Variants in SMARCA5 observed in about 807,000 individuals in gnomAD.
SMARCA5 encodes the protein SNF2 related chromatin remodeling ATPase 5.
Under a neutral mutation model 140.4 loss-of-function variants are expected in SMARCA5, and 18 were observed. The ratio of observed to expected loss-of-function variants is 0.13; its 90% CI spans 0.09 to 0.19. SMARCA5 has a LOEUF of 0.19. Among genes scored for constraint, SMARCA5 ranks in the 10% least tolerant of loss-of-function variants. The pLI, the probability that SMARCA5 is intolerant of heterozygous loss-of-function variation, is 1.00. For synonymous variants in SMARCA5, 449 were observed against 419.6 expected (o/e 1.07, Z -0.86); for missense variants, 606 against 1,276.8 (o/e 0.47, Z 8.01).
At position 143,543,987 on chromosome 4, in the gene SMARCA5, G is replaced by C. The variant is rs755833023; in HGVS notation, c.2172+15G>C. ...AAAAACAAAAGGTAATTTAGAAATAGGTTTGGGTTACATGAAAGCTTTATT... is the reference window on the plus strand; with the variant it reads ...AAAAACAAAAGGTAATTTAGAAATACGTTTGGGTTACATGAAAGCTTTATT... On this transcript the variant is annotated intron_variant, in intron 16 of 23. Transcript: ENST00000283131. The C allele has an allele frequency of 6.5e-7, 1 of 1,527,632 alleles. No homozygotes were observed. Among genetic ancestry groups the C allele is most frequent in the Non-Finnish European group, 8.8e-7 (1 of 1,136,596 alleles). The allele number at this position is 1,527,632 out of a possible 1,614,324, so 94.6% of individuals were successfully genotyped here.
chr4:143,557,430 A>G lies in SMARCA5; in HGVS notation c.*4246A>G, dbSNP rs1362147016. On this transcript the variant is annotated 3_prime_UTR_variant, in exon 24 of 24. Coordinates refer to ENST00000283131, the MANE Select transcript of SMARCA5 (RefSeq NM_003601.4). ...GTATATAGATTGTGAATAAATTGGG[A>G]AAAGAAATAGAGATAAGTAGAGATT... is the stretch of plus-strand genomic sequence containing the variant. 17 of 152,230 alleles carry G rather than the reference A, an allele frequency of 1.1e-4. No individual in the cohort carries two copies. 9.4% of individuals were successfully genotyped at this position (152,230 alleles called of 1,614,324 possible).
At chr4:143,528,250 C>T (rs1412299454) in intron 7 of SMARCA5, among the ~76,000 whole-genome samples, 1 of 152,138 alleles carries the variant, frequency 6.6e-6, no homozygotes, top group Non-Finnish European at 1.5e-5. Context: ...TCTCCCCACT[C>T]CCCGACAGGT....
At chr4:143,529,654 A>G (rs1490807579) in intron 8 of SMARCA5, among the ~76,000 whole-genome samples, 2 of 152,158 alleles carry the variant, frequency 1.3e-5, no homozygotes, top group Admixed American at 1.3e-4. Flanking sequence ...TTGTTTGCAT[A>G]GCTGGCGTCT....
chr4:143,528,424 C>T (rs1464741939), intron 7 of SMARCA5, among the ~76,000 whole-genome samples, 159 bp from the exon 8 acceptor site: 1 of 152,194 alleles, frequency 6.6e-6, no homozygotes, highest in East Asian at 1.9e-4. Context: ...TAAACTCATT[C>T]TCTTTTATGG....
chr4:143,537,944 A>G (rs1039430784), intron 11 of SMARCA5, among the ~76,000 whole-genome samples: 2 of 150,528 alleles, frequency 1.3e-5, no homozygotes, highest in East Asian at 1.9e-4. Context: ...AAAAATTCTT[A>G]TGCATTTGAG....
chr4:143,543,745 T>C (rs1737472695), intron 15 of SMARCA5, 88 bp downstream of exon 15: 4 of 1,508,122 alleles, frequency 2.7e-6, no homozygotes, highest in Non-Finnish European at 9.0e-7. Context: ...TAAATAATTT[T>C]ATTTCCTTAA....
At chr4:143,549,716 A>G (rs187257581) in intron 22 of SMARCA5, among the ~76,000 whole-genome samples, 165 of 152,266 alleles carry the variant, frequency 1.1e-3, no homozygotes, top group Non-Finnish European at 2.0e-3. Context: ...GCAGTATTGC[A>G]TATGTTCATT....
intron 8 of SMARCA5, among the ~76,000 whole-genome samples, chr4:143,529,126 G>A (rs1259221207): frequency 1.3e-5 from 2 of 151,982 alleles, no homozygotes; most frequent in African/African-American, 4.8e-5. Flanking sequence ...GTAGAGATGA[G>A]GTTTTGCCAT....
At chr4:143,552,117 C>T (rs927069095) in intron 23 of SMARCA5, among the ~76,000 whole-genome samples, 5 of 151,840 alleles carry the variant, frequency 3.3e-5, no homozygotes, top group African/African-American at 1.2e-4. Flanking sequence ...AGAGATCTTT[C>T]GCTTCTTTGA....
intron 14 of SMARCA5, 47 bp downstream of exon 14, chr4:143,540,542 CTGTTTT>C (rs779153117): frequency 1.3e-6 from 2 of 1,557,356 alleles, no homozygotes; most frequent in African/African-American, 2.8e-5. Flanking sequence ...TTGACACAAC[CTGTTTT>C]TGTTTGAAAA....
At chr4:143,529,205 G>T (rs1049870347) in intron 8 of SMARCA5, among the ~76,000 whole-genome samples, 1 of 152,142 alleles carries the variant, frequency 6.6e-6, no homozygotes, top group Non-Finnish European at 1.5e-5. Flanking sequence ...AAAGTGCTGG[G>T]ATTACAGGCA....
At chr4:143,515,356 T>G (rs977564542) in intron 1 of SMARCA5, among the ~76,000 whole-genome samples, 9 of 152,204 alleles carry the variant, frequency 5.9e-5, no homozygotes, top group Non-Finnish European at 8.8e-5. Context: ...AAGATAAGAT[T>G]ACTTCCAAAT....
intron 11 of SMARCA5, among the ~76,000 whole-genome samples, chr4:143,537,917 CAAA>C (rs34592654): frequency 0.011 from 1,071 of 101,424 alleles, 21 homozygotes; most frequent in African/African-American, 0.037. Context: ...GACTCCATCT[CAAA>C]AAAAAAAAAA....
chr4:143,531,712 T>C (rs1350920730), intron 9 of SMARCA5, among the ~76,000 whole-genome samples: 2 of 152,230 alleles, frequency 1.3e-5, no homozygotes, highest in African/African-American at 4.8e-5. Context: ...TCTGTTTTAC[T>C]TCTTCATATA....
rs1736767994 is a variant in SMARCA5 at position 143,514,100 on chromosome 4, A to C, written c.176A>C (p.Glu59Ala). 2 of 1,536,094 alleles carry C rather than the reference A, an allele frequency of 1.3e-6. No homozygotes were observed. Among genetic ancestry groups the C allele is most frequent in the East Asian group, 4.8e-5 (2 of 41,836 alleles). Residue 59 changes from glutamate (E) to alanine (A), a missense_variant and splice_region_variant, in exon 1 of 24, where the codon GAG becomes GCG. Around this residue, in one of 10 missense-constraint regions of SMARCA5, gnomAD observed 164 missense variants for 128.4 expected, o/e 1.28. Transcript: ENST00000283131. The part of the protein sequence containing the change: ...ASAGPADAEM[E>A]EIFDDASPGK... Reference sequence around the variant, plus strand: ...GCTGGTCCCGCAGACGCCGAGATGGAGGTGAGGGCGACTTGCGGCATGGGG... The same window carrying C: ...GCTGGTCCCGCAGACGCCGAGATGGCGGTGAGGGCGACTTGCGGCATGGGG...
chr4:143,527,897 G>A lies in SMARCA5; in HGVS notation c.831G>A (p.Pro277=), dbSNP rs368901364. The A allele has an allele frequency of 1.1e-5, 17 of 1,590,760 alleles. No homozygotes were observed. The Admixed American group carries it at 1.5e-4, about 14-fold the overall frequency. Reference sequence around the variant, plus strand: ...CTTTTGTCAGAGACGTTTTATTACCGGGAGAATGGGATGTATGTGTAACAT... The same window carrying A: ...CTTTTGTCAGAGACGTTTTATTACCAGGAGAATGGGATGTATGTGTAACAT... ...RAAFVRDVLL[P]GEWDVCVTSY... Residue 277 remains proline, a synonymous_variant, in exon 7 of 24, where the codon CCG becomes CCA. Transcript: ENST00000283131.
intron 14 of SMARCA5, among the ~76,000 whole-genome samples, chr4:143,542,875 G>A (rs1737459144): frequency 6.6e-6 from 1 of 152,156 alleles, no homozygotes; most frequent in African/African-American, 2.4e-5. Context: ...AGCTACTTGG[G>A]AAGCTGAGAC....
At chr4:143,546,153 G>A in intron 19 of SMARCA5, 106 bp downstream of exon 19, 1 of 767,984 alleles carries the variant, frequency 1.3e-6, no homozygotes. Context: ...TTTTAAAGAT[G>A]GAATAATTGG....
At chr4:143,522,173 T>TGTG (rs1736976458) in intron 3 of SMARCA5, among the ~76,000 whole-genome samples, 1 of 152,212 alleles carries the variant, frequency 6.6e-6, no homozygotes, top group African/African-American at 2.4e-5. Context: ...TGTGGGATAT[T>TGTG]GTGATGACTT....
Sources: gnomAD v4.1 joint callset for allele counts (sites outside exome capture counted in the v4.1 genomes callset) on GRCh38, gnomAD v4.1.1 for gene constraint, gnomAD v4.1.1 regional missense constraint, MANE v1.5 for transcripts, NCBI Gene and HGNC (gene_info 2026-07-23, HGNC 2026-07-21) for gene names.